The following KLHL29 variants were observed in gnomAD, a reference collection of about 807,000 sequenced individuals.
KLHL29 encodes the protein kelch like family member 29.
A neutral mutation model predicts 80.4 loss-of-function variants in KLHL29; 21 were observed. The ratio of observed to expected loss-of-function variants is 0.26; its 90% CI spans 0.19 to 0.38. The LOEUF is 0.38. Ranked by LOEUF, KLHL29 falls within the 10% of genes least tolerant of loss-of-function variation. The pLI, the probability that KLHL29 is intolerant of heterozygous loss-of-function variation, is 1.00. For synonymous variants in KLHL29, 511 were observed against 526.8 expected (o/e 0.97, Z 0.41); for missense variants, 867 against 1,223.9 (o/e 0.71, Z 4.35).
At chr2:23,644,511 A>G (rs1669867332) in intron 5 of KLHL29, among the ~76,000 whole-genome samples, 1 of 152,236 alleles carries the variant, frequency 6.6e-6, no homozygotes, top group African/African-American at 2.4e-5. Context: ...ACTAGCTGAG[A>G]AAGGACTGGA....
intron 5 of KLHL29, 91 bp downstream of exon 5, chr2:23,642,941 A>C (rs1228001324): frequency 2.8e-6 from 4 of 1,441,448 alleles, no homozygotes; most frequent in Admixed American, 3.9e-5. Context: ...GGGGTGCTTC[A>C]TGCCAGCTCC....
At chr2:23,415,392 A>T (rs1666959029) in intron 1 of KLHL29, among the ~76,000 whole-genome samples, 1 of 152,206 alleles carries the variant, frequency 6.6e-6, no homozygotes, top group Non-Finnish European at 1.5e-5. Flanking sequence ...TGCATGTGTG[A>T]ATTTTAAAAA....
At chr2:23,573,908 G>A (rs1019572618) in intron 3 of KLHL29, among the ~76,000 whole-genome samples, 5 of 152,184 alleles carry the variant, frequency 3.3e-5, no homozygotes, top group Admixed American at 6.5e-5. Flanking sequence ...GCTTTCAGAG[G>A]TGTTGGCCCA....
intron 5 of KLHL29, among the ~76,000 whole-genome samples, chr2:23,651,212 T>C (rs888756046): frequency 6.6e-6 from 1 of 152,256 alleles, no homozygotes; most frequent in African/African-American, 2.4e-5. Context: ...TATATGTTTA[T>C]ATTTTTAAAA....
chr2:23,520,992 A>G (rs866675134), intron 2 of KLHL29, among the ~76,000 whole-genome samples: 31 of 91,122 alleles, frequency 3.4e-4, no homozygotes, highest in Non-Finnish European at 5.3e-4. Context: ...TACAAAGACC[A>G]CCCCCCCCCC....
intron 5 of KLHL29, among the ~76,000 whole-genome samples, chr2:23,649,745 C>T (rs892697041): frequency 5.3e-5 from 8 of 152,250 alleles, no homozygotes; most frequent in East Asian, 1.9e-4. Context: ...GCTGTTCAGA[C>T]GAGAGCCAAG....
chr2:23,548,826 A>T (rs1237428297), intron 2 of KLHL29, among the ~76,000 whole-genome samples: 1 of 152,188 alleles, frequency 6.6e-6, no homozygotes, highest in Non-Finnish European at 1.5e-5. Flanking sequence ...AAAATAGAAA[A>T]CTGACCCTGA....
At chr2:23,440,289 A>G (rs1663476410) in intron 1 of KLHL29, among the ~76,000 whole-genome samples, 1 of 151,964 alleles carries the variant, frequency 6.6e-6, no homozygotes, top group Non-Finnish European at 1.5e-5. Context: ...AGAAAGCTGA[A>G]ACTGGATCCC....
At position 23,696,665 on chromosome 2, in the gene KLHL29, A is replaced by G; in HGVS notation, c.2105+152A>G. ...CAGTCATCCCAGGCTCTTCAGTCAC[A>G]GCACCGGGGGCAGCAGGGTGTGGGA... On this transcript the variant is annotated intron_variant, in intron 11 of 13. Transcript: ENST00000486442. This position sits in a 1 kb window ranked among gnomAD's most constrained non-coding sequence, Gnocchi z 5.5. 1 of 611,002 alleles carries G rather than the reference A, an allele frequency of 1.6e-6. No homozygotes were observed. Among genetic ancestry groups the G allele is most frequent in the Non-Finnish European group, 2.8e-6 (1 of 355,920 alleles). 37.8% of individuals were successfully genotyped at this position (611,002 alleles called of 1,614,324 possible).
chr2:23,430,515 G>A (rs763521614), intron 1 of KLHL29, among the ~76,000 whole-genome samples: 6 of 152,172 alleles, frequency 3.9e-5, no homozygotes, highest in Non-Finnish European at 7.4e-5. Context: ...ATCACCCACA[G>A]TTAAATCCCT....
Position 23,446,492 on chromosome 2 carries a change from G to A in KLHL29, c.-153-29068G>A, listed in dbSNP as rs542258426. On this transcript the variant is annotated intron_variant, in intron 1 of 13. Coordinates refer to ENST00000486442, the MANE Select transcript of KLHL29 (RefSeq NM_052920.2). ...CAAAACTGAGCACTTAGCCTGCAGCGTGGAGTGGCACGTCTATTCCTGTGG... is the reference window on the plus strand; with the variant it reads ...CAAAACTGAGCACTTAGCCTGCAGCATGGAGTGGCACGTCTATTCCTGTGG... Among the ~76,000 whole-genome samples the A allele has an allele frequency of 1.8e-4, 28 of 152,320 alleles. 1 individual carries two copies. The South Asian group carries it at 2.5e-3, about 14-fold the overall frequency.
At chr2:23,524,545 A>G (rs1180647525) in intron 2 of KLHL29, among the ~76,000 whole-genome samples, 2 of 151,754 alleles carry the variant, frequency 1.3e-5, no homozygotes, top group Non-Finnish European at 2.9e-5. Flanking sequence ...TTTCAGCAAC[A>G]TGATCTCTGC....
chr2:23,432,020 CCA>C (rs946411976), intron 1 of KLHL29, among the ~76,000 whole-genome samples: 9 of 151,884 alleles, frequency 5.9e-5, no homozygotes, highest in African/African-American at 2.2e-4. Flanking sequence ...CCAGGGATAA[CCA>C]CAGTTTAAAA....
chr2:23,693,194 G>T, intron 7 of KLHL29, 75 bp from the exon 8 acceptor site: 2 of 1,477,760 alleles, frequency 1.4e-6, no homozygotes, highest in South Asian at 1.3e-5. Context: ...GAAGGATCTA[G>T]GGTGACAGCA....
At chr2:23,546,517 C>G (rs1666983321) in intron 2 of KLHL29, among the ~76,000 whole-genome samples, 1 of 152,098 alleles carries the variant, frequency 6.6e-6, no homozygotes, top group African/African-American at 2.4e-5. Context: ...TATCCGGCAC[C>G]CCCACATTAG....
chr2:23,650,556 T>G (rs1361478325), intron 5 of KLHL29, among the ~76,000 whole-genome samples: 1 of 152,184 alleles, frequency 6.6e-6, no homozygotes, highest in Non-Finnish European at 1.5e-5. Flanking sequence ...CCCAAGATCT[T>G]GCACAAGAGT....
intron 2 of KLHL29, among the ~76,000 whole-genome samples, chr2:23,495,623 G>C (rs1665240012): frequency 6.6e-6 from 1 of 152,168 alleles, no homozygotes; most frequent in Non-Finnish European, 1.5e-5. Context: ...TCACAGAGGA[G>C]CTTTGGGGTC....
At chr2:23,649,625 A>G (rs1156785328) in intron 5 of KLHL29, among the ~76,000 whole-genome samples, 1 of 152,210 alleles carries the variant, frequency 6.6e-6, no homozygotes, top group African/African-American at 2.4e-5. Context: ...GCGGGAGCAT[A>G]TGGGCCTTCA....
intron 3 of KLHL29, among the ~76,000 whole-genome samples, chr2:23,590,524 T>C (rs1400341818): frequency 6.6e-6 from 1 of 152,146 alleles, no homozygotes; most frequent in African/African-American, 2.4e-5. Flanking sequence ...GAAGCAAGGA[T>C]GGATTTATTC....
Sources: gnomAD v4.1 joint callset for allele counts (sites outside exome capture counted in the v4.1 genomes callset) on GRCh38, gnomAD v4.1.1 for gene constraint, Gnocchi (gnomAD v3.1) non-coding constraint, MANE v1.5 for transcripts, NCBI Gene and HGNC (gene_info 2026-07-23, HGNC 2026-07-21) for gene names.